ST8SIA2: variants seen among roughly 807,000 people sequenced by gnomAD.
ST8SIA2 encodes alpha-2,8-sialyltransferase 8B.
In ST8SIA2, 22 loss-of-function variants were observed where a neutral mutation model predicts 37.6. The ratio of observed to expected loss-of-function variants is 0.58; its 90% CI spans 0.42 to 0.83. The LOEUF is 0.83. Ranked by LOEUF, ST8SIA2 falls within the 40% of genes least tolerant of loss-of-function variation. ST8SIA2 has a pLI of 0.00. For synonymous variants in ST8SIA2, 205 were observed against 201.2 expected, an observed-to-expected ratio of 1.02 and a Z score of -0.16; for missense variants, 382 against 484.7, an observed-to-expected ratio of 0.79 and a Z score of 1.99.
chr15:92,440,316 C>T (rs569615478), intron 4 of ST8SIA2, among the ~76,000 whole-genome samples: 1 of 152,274 alleles, frequency 6.6e-6, no homozygotes, highest in Admixed American at 6.5e-5. Flanking sequence ...TTACCATGGA[C>T]AGGAGTCACC....
Position 92,464,412 on chromosome 15 carries a change from C to T in ST8SIA2, c.*27C>T, listed in dbSNP as rs1167927565. 1.2e-6 allele frequency: 2 copies of T among 1,612,396 alleles called. No homozygotes were observed. The stretch of plus-strand genomic sequence containing the variant: ...GTGGGCACCCCATGGGACTCAGTGG[C>T]TCACATTTCCTGCCAGCTACACCAC... On this transcript the variant is annotated 3_prime_UTR_variant, in exon 6 of 6. Transcript: ENST00000268164.
chr15:92,428,528 A>T (rs1340522391), intron 1 of ST8SIA2, among the ~76,000 whole-genome samples: 1 of 152,202 alleles, frequency 6.6e-6, no homozygotes, highest in Non-Finnish European at 1.5e-5. Context: ...GTGAGCAGAC[A>T]GTGACCCACG....
chr15:92,439,778 G>T (rs2049787517), intron 4 of ST8SIA2, among the ~76,000 whole-genome samples: 1 of 152,126 alleles, frequency 6.6e-6, no homozygotes, highest in Admixed American at 6.5e-5. Flanking sequence ...CCTAAAGACT[G>T]GTGGAGGGAG....
rs1383803335 is a variant in ST8SIA2, at chr15:92,436,782, G to C, written c.291-1571G>C. On this transcript the variant is annotated intron_variant, in intron 3 of 5. Transcript: ENST00000268164. ...TTTCCCCTACATGATAGCAAGAGAG[G>C]CAGGTCATCAATAAGGAAAGACAAT... Among the ~76,000 whole-genome samples the C allele has an allele frequency of 2.0e-5, 3 of 152,180 alleles. No individual in the cohort carries two copies. The East Asian group carries it at 5.8e-4, about 29-fold the overall frequency.
intron 1 of ST8SIA2, among the ~76,000 whole-genome samples, chr15:92,411,624 G>A (rs2049549964): frequency 6.6e-6 from 1 of 152,136 alleles, no homozygotes; most frequent in African/African-American, 2.4e-5. Flanking sequence ...ACTTACTGGA[G>A]CAACTAGGGG....
At chr15:92,462,551 C>A (rs984241432) in intron 5 of ST8SIA2, among the ~76,000 whole-genome samples, 5 of 152,198 alleles carry the variant, frequency 3.3e-5, no homozygotes, top group African/African-American at 1.2e-4. Flanking sequence ...CATCTTTCAG[C>A]AATATGTAAA....
chr15:92,452,696 C>A (rs1195740333), intron 5 of ST8SIA2, among the ~76,000 whole-genome samples: 1 of 152,206 alleles, frequency 6.6e-6, no homozygotes, highest in Non-Finnish European at 1.5e-5. Context: ...TTAGTATAGT[C>A]ATTTCACATC....
chr15:92,394,002 T>A lies in ST8SIA2; in HGVS notation c.-63T>A. Reference sequence around the variant, plus strand: ...GCGCGGAGGCTCCGGCGTCCGCCGCTGCGCCCTCCGGCCCCTGCTCCTCGC... The same window carrying A: ...GCGCGGAGGCTCCGGCGTCCGCCGCAGCGCCCTCCGGCCCCTGCTCCTCGC... On this transcript the variant is annotated 5_prime_UTR_variant, in exon 1 of 6. Transcript: ENST00000268164. The A allele has an allele frequency of 1.5e-6, 2 of 1,329,466 alleles. No individual in the cohort carries two copies. The highest frequency in any genetic ancestry group is 2.0e-6 in the Non-Finnish European group (2 of 983,834). The allele number at this position is 1,329,466 out of a possible 1,614,324, so 82.4% of individuals were successfully genotyped here.
chr15:92,406,181 A>G (rs981550612), intron 1 of ST8SIA2, among the ~76,000 whole-genome samples: 3 of 152,180 alleles, frequency 2.0e-5, no homozygotes, highest in Non-Finnish European at 4.4e-5. Flanking sequence ...GGATTCCAGG[A>G]GGCTTGAGAT....
At chr15:92,441,366 G>T (rs932700920) in intron 4 of ST8SIA2, among the ~76,000 whole-genome samples, 2 of 152,200 alleles carry the variant, frequency 1.3e-5, no homozygotes, top group Non-Finnish European at 2.9e-5. Context: ...GAAGAGGGGT[G>T]TGGAAGCAAG....
intron 5 of ST8SIA2, among the ~76,000 whole-genome samples, chr15:92,447,654 G>A (rs979528234): frequency 1.3e-5 from 2 of 152,194 alleles, no homozygotes; most frequent in Non-Finnish European, 2.9e-5. Context: ...ACCCAAGCCT[G>A]TGACCAACAC....
rs745767002 is a variant in ST8SIA2, at chr15:92,430,071, A to G, written c.121A>G (p.Ile41Val). The G allele has an allele frequency of 2.5e-6, 4 of 1,614,092 alleles. No homozygotes were observed. In the South Asian group the frequency reaches 4.4e-5, roughly 18 times the overall value. The part of the protein sequence containing the change: ...EIGNSGGRGT[I>V]RSAVNSLHSK... ...CAGGAATTCGGGAGGCAGAGGTACA[A>G]TCAGATCAGCTGTGAACAGCTTACA... Residue 41 changes from isoleucine (I) to valine (V), a missense_variant, in exon 2 of 6, where the codon ATC becomes GTC. By Grantham distance (29) the Ile-to-Val change is conservative. Transcript: ENST00000268164.
In ST8SIA2 at chr15:92,444,755, G is replaced by A. The variant is rs775571745; in HGVS notation, c.668G>A (p.Arg223Gln). ...GAGGACTTGGTCAATGCCACGTGGC[G>A]GGAGAAGCTGCTGCAACGGCTGCAC... ...AFEDLVNATW[R>Q]EKLLQRLHSL... is the part of the protein sequence containing the mutation. The change falls in exon 5 of 6, where the codon CGG becomes CAG. Residue 223 changes from arginine to glutamine, a missense_variant. Arg to Gln is a conservative substitution (Grantham distance 43). Transcript: ENST00000268164. The A allele has an allele frequency of 1.9e-5, 31 of 1,614,040 alleles. No homozygotes were observed. Among genetic ancestry groups the A allele is most frequent in the East Asian group, 1.1e-4 (5 of 44,900 alleles).
At chr15:92,423,211 G>C (rs1168804259) in intron 1 of ST8SIA2, among the ~76,000 whole-genome samples, 2 of 152,232 alleles carry the variant, frequency 1.3e-5, no homozygotes, top group African/African-American at 4.8e-5. Context: ...TCTGGAGACA[G>C]ATGATGCTTG....
intron 1 of ST8SIA2, among the ~76,000 whole-genome samples, chr15:92,406,061 C>T (rs1201440342): frequency 1.3e-5 from 2 of 152,098 alleles, no homozygotes; most frequent in African/African-American, 2.4e-5. Flanking sequence ...GAAAAGAGTC[C>T]GAGATACTGA....
chr15:92,430,478 C>T (rs867580681), intron 2 of ST8SIA2, among the ~76,000 whole-genome samples: 2 of 152,170 alleles, frequency 1.3e-5, no homozygotes, highest in Non-Finnish European at 2.9e-5. Context: ...GTAAATGGCT[C>T]GTCCAGGAGG....
chr15:92,402,588 G>C (rs569313241), intron 1 of ST8SIA2, among the ~76,000 whole-genome samples: 1 of 152,336 alleles, frequency 6.6e-6, no homozygotes, highest in East Asian at 1.9e-4. Context: ...CTGTGGGAGA[G>C]AGAACCCTGG....
chr15:92,453,894 G>A (rs772307416), intron 5 of ST8SIA2, among the ~76,000 whole-genome samples: 1 of 151,656 alleles, frequency 6.6e-6, no homozygotes, highest in Non-Finnish European at 1.5e-5. Flanking sequence ...TAGAACTAGG[G>A]TTGGGGGAGG....
rs3743365 is a variant in ST8SIA2 at position 92,394,038 on chromosome 15, G to T, written c.-27G>T. 1,206,518 of 1,534,474 alleles carry T rather than the reference G, an allele frequency of 0.79. 484,819 individuals are homozygous for T. The highest frequency in any genetic ancestry group is 0.83 in the Non-Finnish European group (949,871 of 1,138,470). On this transcript the variant is annotated 5_prime_UTR_variant, in exon 1 of 6. Transcript: ENST00000268164. ...GCCCCTGCTCCTCGCGCCGGCCCGC[G>T]TGGGTCCCGGCGGGCGCGAACCCAC...
Sources: allele counts gnomAD v4.1 joint callset (sites outside exome capture counted in the v4.1 genomes callset), GRCh38; gene constraint gnomAD v4.1.1; transcripts MANE v1.5; gene names NCBI Gene and HGNC (gene_info 2026-07-23, HGNC 2026-07-21).